The following CPZ variants were observed in gnomAD, a reference collection of about 807,000 sequenced individuals.
CPZ encodes VEZT/CPZ fusion.
CPZ carries 103 observed loss-of-function variants against 61.8 expected under a neutral mutation model. The observed-to-expected ratio is 1.67, with a 90% CI of 1.42 to 1.96. The LOEUF (loss-of-function observed/expected upper bound fraction) is 1.96, where lower values mean the gene tolerates loss of function less well. CPZ is among the 30% of genes most tolerant of loss of function. The pLI, the probability that CPZ is intolerant of heterozygous loss-of-function variation, is 0.00. For missense variants in CPZ, 1,461 were observed against 914.9 expected (o/e 1.60, Z -7.70); for synonymous variants, 551 against 373.7 (o/e 1.47, Z -5.47).
chr4:8,608,912 T>A (rs544736244), intron 7 of CPZ, among the ~76,000 whole-genome samples: 82 of 152,230 alleles, frequency 5.4e-4, no homozygotes, highest in African/African-American at 1.9e-3. Flanking sequence ...AGCTGAGCAC[T>A]CTGCAGACCA....
At chr4:8,613,057 G>A (rs1460207915) in intron 8 of CPZ, among the ~76,000 whole-genome samples, 1 of 151,860 alleles carries the variant, frequency 6.6e-6, no homozygotes, top group African/African-American at 2.4e-5. Context: ...AGGGCCCTCA[G>A]CCCCCGTCAT....
intron 3 of CPZ, chr4:8,603,677 C>G (rs60203656): frequency 1.2e-4 from 56 of 476,438 alleles, no homozygotes; most frequent in Middle Eastern, 5.5e-4. Flanking sequence ...CCCCATATAT[C>G]TGTCTTCCTT....
chr4:8,612,079 A>G lies in CPZ; in HGVS notation c.1280A>G (p.Asp427Gly), dbSNP rs1715747514. Residue 427 changes from aspartate (D) to glycine (G), a missense_variant, in exon 8 of 11, where the codon GAC becomes GGC. Physicochemically the swap from Asp to Gly is moderately conservative, Grantham distance 94. Coordinates refer to ENST00000360986, the MANE Select transcript of CPZ (RefSeq NM_001014447.3). ...AYADVHPMMMDRSENRCGGNF... is the reference protein window; with the variant it reads ...AYADVHPMMMGRSENRCGGNF... ...GCTGACGTCCACCCCATGATGATGG[A>G]CAGGTCGGAGAATAGGTGTGGAGGC... 6.2e-7 allele frequency: 1 copy of G among 1,613,728 alleles called. No homozygotes were observed. Among genetic ancestry groups the G allele is most frequent in the African/African-American group, 1.3e-5 (1 of 74,964 alleles).
Position 8,599,488 on chromosome 4 carries a change from A to G in CPZ, c.121+3A>G. ...CAGGCCACCAGCTGCAGACAGCGGTACAGTACCGGGACCTCCCTGGCTTCT... is the reference window on the plus strand; with the variant it reads ...CAGGCCACCAGCTGCAGACAGCGGTGCAGTACCGGGACCTCCCTGGCTTCT... On this transcript the variant is annotated splice_donor_region_variant and intron_variant, in intron 2 of 10. Coordinates refer to ENST00000360986, the MANE Select transcript of CPZ (RefSeq NM_001014447.3). The G allele has an allele frequency of 3.7e-6, 6 of 1,613,838 alleles. No homozygotes were observed. The South Asian group carries it at 4.4e-5, about 12-fold the overall frequency.
chr4:8,619,072 G>C (rs938446279), intron 10 of CPZ, among the ~76,000 whole-genome samples, 190 bp from the exon 11 acceptor site: 1 of 152,150 alleles, frequency 6.6e-6, no homozygotes, highest in East Asian at 1.9e-4. Context: ...CCTAAGCAGG[G>C]TTTTGAGGTA....
Position 8,619,385 on chromosome 4 carries a change from G to C in CPZ, c.1727G>C (p.Arg576Pro), listed in dbSNP as rs139520158. 4 of 1,614,058 alleles carry C rather than the reference G, an allele frequency of 2.5e-6. No individual in the cohort carries two copies. The African/African-American group carries it at 4.0e-5, about 16-fold the overall frequency. Residue 576 changes from arginine (R) to proline (P), a missense_variant, in exon 11 of 11, where the codon CGT (arginine) becomes CCT (proline). By Grantham distance (103) the Arg-to-Pro change is moderately radical (BLOSUM62 -2). Coordinates refer to ENST00000360986, the MANE Select transcript of CPZ (RefSeq NM_001014447.3). Reference protein sequence around the residue: ...IIPARMKRAGRVDFILQPLGM... With the variant: ...IIPARMKRAGPVDFILQPLGM... ...CCCGCCCGGATGAAGAGGGCTGGCC[G>C]TGTGGACTTCATTCTGCAACCTCTG...
At position 8,614,474 on chromosome 4, in the gene CPZ, G is replaced by T; in HGVS notation, c.1479G>T (p.Glu493Asp). 6.2e-7 allele frequency: 1 copy of T among 1,613,882 alleles called. No homozygotes were observed. Among genetic ancestry groups the T allele is most frequent in the Non-Finnish European group, 8.5e-7 (1 of 1,179,882 alleles). Residue 493 changes from glutamate (E) to aspartate (D), a missense_variant, in exon 9 of 11, where the codon GAG becomes GAT. Glu to Asp is a conservative substitution (Grantham distance 45). Transcript: ENST00000360986. The stretch of plus-strand genomic sequence containing the variant: ...ACATACTCTGGCAGCACAACAAGGA[G>T]TCACTCCTGAATTTCGTGGAGACGG... ...ALYILWQHNK[E>D]SLLNFVETVH...
intron 9 of CPZ, 66 bp from the exon 10 acceptor site, chr4:8,618,363 C>G: frequency 6.7e-7 from 1 of 1,498,728 alleles, no homozygotes; most frequent in Non-Finnish European, 9.3e-7. Context: ...GGGGAACGAG[C>G]TGACGGCCTC....
Position 8,606,075 on chromosome 4 carries a change from T to C in CPZ, c.796T>C (p.Cys266Arg), listed in dbSNP as rs1714969402. 1 of 1,614,226 alleles carries C rather than the reference T, an allele frequency of 6.2e-7. No homozygotes were observed. Among genetic ancestry groups the C allele is most frequent in the Non-Finnish European group, 8.5e-7 (1 of 1,180,026 alleles). The part of the protein sequence containing the change: ...EMLIYLAQYL[C>R]SEYLLGNPRI... ...GCTCATCTACCTAGCCCAGTACCTG[T>C]GCTCTGAGTACCTGCTTGGTAACCC... is the stretch of plus-strand genomic sequence containing the variant. The change falls in exon 5 of 11, where the codon TGC (cysteine) becomes CGC (arginine). Residue 266 changes from cysteine (C) to arginine (R), a missense_variant. Physicochemically the swap from Cys to Arg is radical, Grantham distance 180. Coordinates refer to ENST00000360986, the MANE Select transcript of CPZ (RefSeq NM_001014447.3).
intron 9 of CPZ, among the ~76,000 whole-genome samples, chr4:8,615,421 T>TC (rs1042859477): frequency 3.9e-5 from 6 of 152,132 alleles, no homozygotes; most frequent in African/African-American, 1.4e-4. Flanking sequence ...GCTATTTTTT[T>TC]CCCAAGCGTT....
intron 8 of CPZ, among the ~76,000 whole-genome samples, chr4:8,613,213 T>C (rs544547822): frequency 6.7e-5 from 10 of 148,862 alleles, no homozygotes; most frequent in Non-Finnish European, 1.2e-4. Context: ...CTCACTGCAA[T>C]CTCTGCCTCC....
In CPZ at chr4:8,614,446, T is replaced by C; in HGVS notation, c.1451T>C (p.Leu484Pro). ...GCVKFPPEEALYILWQHNKES... is the reference protein window; with the variant it reads ...GCVKFPPEEAPYILWQHNKES... ...GTGAAGTTCCCCCCCGAGGAGGCCC[T>C]GTACATACTCTGGCAGCACAACAAG... is the stretch of plus-strand genomic sequence containing the variant. Residue 484 changes from leucine to proline, a missense_variant, in exon 9 of 11, where the codon CTG (leucine) becomes CCG (proline). Coordinates refer to ENST00000360986, the MANE Select transcript of CPZ (RefSeq NM_001014447.3). The C allele has an allele frequency of 1.2e-6, 2 of 1,614,010 alleles. No homozygotes were observed. Among genetic ancestry groups the C allele is most frequent in the Non-Finnish European group, 1.7e-6 (2 of 1,179,956 alleles).
At chr4:8,611,870 G>T (rs1043370164) in intron 7 of CPZ, among the ~76,000 whole-genome samples, 157 bp from the exon 8 acceptor site, 1 of 152,002 alleles carries the variant, frequency 6.6e-6, no homozygotes, top group African/African-American at 2.4e-5. Flanking sequence ...TGTGTCCTCT[G>T]CAGGACACCG....
intron 7 of CPZ, 79 bp downstream of exon 7, chr4:8,607,504 G>T: frequency 2.0e-6 from 3 of 1,510,186 alleles, no homozygotes; most frequent in Non-Finnish European, 2.7e-6. Flanking sequence ...CTCCAGTCCT[G>T]AGCTCAGTGA....
intron 1 of CPZ, among the ~76,000 whole-genome samples, chr4:8,597,216 C>T (rs1297880573): frequency 6.6e-6 from 1 of 152,152 alleles, no homozygotes; most frequent in Non-Finnish European, 1.5e-5. Flanking sequence ...TCGCTCAGGG[C>T]CCTGCACAGG....
chr4:8,618,672 A>T, intron 10 of CPZ, 144 bp downstream of exon 10: 12 of 692,330 alleles, frequency 1.7e-5, no homozygotes, highest in East Asian at 5.8e-5. Context: ...TGGGTCGGGG[A>T]GGGTGGGCAG....
intron 5 of CPZ, 105 bp downstream of exon 5, chr4:8,606,290 T>C: frequency 1.8e-6 from 2 of 1,139,158 alleles, no homozygotes; most frequent in Non-Finnish European, 2.5e-6. Flanking sequence ...CCTGCCTCTC[T>C]AGGAGAGGAG....
chr4:8,605,261 C>T (rs1415530319), intron 4 of CPZ, among the ~76,000 whole-genome samples: 2 of 151,310 alleles, frequency 1.3e-5, no homozygotes, highest in African/African-American at 4.9e-5. Context: ...TGCCTGCAGT[C>T]ACACAGCCAG....
At chr4:8,593,513 G>A (rs565532712) in intron 1 of CPZ, among the ~76,000 whole-genome samples, 3 of 152,222 alleles carry the variant, frequency 2.0e-5, no homozygotes, top group Admixed American at 6.5e-5. Context: ...GTGCAGCGGG[G>A]GTGGGGAGCA....
Sources: allele counts gnomAD v4.1 joint callset (sites outside exome capture counted in the v4.1 genomes callset), GRCh38; gene constraint gnomAD v4.1.1; transcripts MANE v1.5; gene names NCBI Gene and HGNC (gene_info 2026-07-23, HGNC 2026-07-21).